STK3: variants seen among roughly 807,000 people sequenced by gnomAD.
STK3 encodes the protein serine/threonine kinase 3.
In STK3, 41 loss-of-function variants were observed where a neutral mutation model predicts 58.0. The ratio of observed to expected loss-of-function variants is 0.71; its 90% CI spans 0.55 to 0.92. STK3 has a LOEUF of 0.92. Among genes scored for constraint, STK3 ranks in the 40% least tolerant of loss-of-function variants. STK3 has a pLI of 0.00. For missense variants in STK3, 479 were observed against 602.7 expected, an observed-to-expected ratio of 0.79 and a Z score of 2.15; for synonymous variants, 170 against 191.0, an observed-to-expected ratio of 0.89 and a Z score of 0.91.
chr8:98,643,658 C>T (rs1261953795), intron 6 of STK3, among the ~76,000 whole-genome samples: 1 of 152,158 alleles, frequency 6.6e-6, no homozygotes, highest in African/African-American at 2.4e-5. Flanking sequence ...TTACTCAAGG[C>T]TATATATCCT....
At chr8:98,790,576 A>C (rs887098827) in intron 1 of STK3, among the ~76,000 whole-genome samples, 1 of 152,228 alleles carries the variant, frequency 6.6e-6, no homozygotes, top group African/African-American at 2.4e-5. Context: ...AATAGGAAAA[A>C]GCTGAAAGCA....
chr8:98,402,406 G>A (rs762292906), intron 3 of STK3, among the ~76,000 whole-genome samples: 1 of 152,234 alleles, frequency 6.6e-6, no homozygotes, highest in Non-Finnish European at 1.5e-5. Flanking sequence ...GAGTCCAAGG[G>A]ATCGGAGCTC....
chr8:98,443,432 A>G (rs1049775676), intron 1 of STK3, among the ~76,000 whole-genome samples: 16 of 152,156 alleles, frequency 1.1e-4, no homozygotes, highest in African/African-American at 3.9e-4. Flanking sequence ...TGTCTTCCCA[A>G]CCACCCTTCC....
At chr8:98,671,511 T>C (rs1822828343) in intron 6 of STK3, among the ~76,000 whole-genome samples, 1 of 152,194 alleles carries the variant, frequency 6.6e-6, no homozygotes, top group Non-Finnish European at 1.5e-5. Flanking sequence ...GCTTAAGAAC[T>C]CACTGACACA....
At chr8:98,622,133 A>C (rs1370166049) in intron 6 of STK3, among the ~76,000 whole-genome samples, 1 of 145,760 alleles carries the variant, frequency 6.9e-6, no homozygotes, top group Non-Finnish European at 1.5e-5. Flanking sequence ...AAATTAGCTG[A>C]GTGTGGTGGT....
intron 8 of STK3, among the ~76,000 whole-genome samples, chr8:98,560,267 ACTAT>A (rs748822705): frequency 2.5e-4 from 38 of 152,244 alleles, no homozygotes; most frequent in Non-Finnish European, 3.8e-4. Flanking sequence ...TTGGAAAGAA[ACTAT>A]CTATATTTGC....
intron 8 of STK3, among the ~76,000 whole-genome samples, chr8:98,567,502 T>C (rs1171842957): frequency 6.6e-6 from 1 of 152,170 alleles, no homozygotes; most frequent in East Asian, 1.9e-4. Flanking sequence ...CTGGACCATT[T>C]ACTTCTATTC....
intron 4 of STK3, among the ~76,000 whole-genome samples, chr8:98,729,186 C>T (rs1828000130): frequency 1.3e-5 from 2 of 152,204 alleles, no homozygotes; most frequent in Admixed American, 1.3e-4. Context: ...TCTAGGCTCA[C>T]TGCAACCTCT....
chr8:98,816,305 G>A (rs1314578256), intron 1 of STK3, among the ~76,000 whole-genome samples: 1 of 152,180 alleles, frequency 6.6e-6, no homozygotes, highest in Admixed American at 6.5e-5. Flanking sequence ...CTTGAGCCCA[G>A]GAGTTCAAGA....
chr8:98,465,268 C>G (rs918818067), intron 10 of STK3, among the ~76,000 whole-genome samples: 1 of 152,030 alleles, frequency 6.6e-6, no homozygotes, highest in African/African-American at 2.4e-5. Context: ...TTATGTAGGC[C>G]CTCAAAGGCA....
chr8:98,849,496 T>C (rs1023268584), intron 3 of STK3, among the ~76,000 whole-genome samples: 1 of 152,178 alleles, frequency 6.6e-6, no homozygotes, highest in Non-Finnish European at 1.5e-5. Context: ...TAGTTACCAA[T>C]ATTTATCTTA....
chr8:98,409,558 G>A (rs904093319), intron 3 of STK3, among the ~76,000 whole-genome samples: 1 of 152,224 alleles, frequency 6.6e-6, no homozygotes, highest in Non-Finnish European at 1.5e-5. Context: ...TGGGCTATCA[G>A]TTCAACCAAA....
At chr8:98,740,182 C>G (rs1829065791) in intron 4 of STK3, among the ~76,000 whole-genome samples, 1 of 152,096 alleles carries the variant, frequency 6.6e-6, no homozygotes, top group Admixed American at 6.5e-5. Flanking sequence ...AGGATATTAT[C>G]CAGGAGAACT....
At chr8:98,482,237 T>C (rs1261513029) in intron 10 of STK3, among the ~76,000 whole-genome samples, 1 of 152,224 alleles carries the variant, frequency 6.6e-6, no homozygotes, top group African/African-American at 2.4e-5. Context: ...TTTAAAAGCA[T>C]TATTTCTCCC....
chr8:98,888,475 G>A (rs1488279076), intron 1 of STK3, among the ~76,000 whole-genome samples: 1 of 152,162 alleles, frequency 6.6e-6, no homozygotes, highest in Non-Finnish European at 1.5e-5. Flanking sequence ...ATAGGGCCAA[G>A]GTTGGGCTGG....
chr8:98,596,595 A>G (rs1160413451), intron 6 of STK3, among the ~76,000 whole-genome samples: 3 of 152,192 alleles, frequency 2.0e-5, no homozygotes, highest in Non-Finnish European at 4.4e-5. Context: ...AATCCAGAAT[A>G]TTTAAGTAAA....
chr8:98,372,339 C>T (rs1236492125), intron 2 of STK3, among the ~76,000 whole-genome samples: 1 of 152,186 alleles, frequency 6.6e-6, no homozygotes, highest in South Asian at 2.1e-4. Context: ...TCAGGGCAGC[C>T]TCCAAGTTCC....
intron 1 of STK3, among the ~76,000 whole-genome samples, chr8:98,911,443 T>C (rs552915903): frequency 6.6e-6 from 1 of 152,272 alleles, no homozygotes; most frequent in African/African-American, 2.4e-5. Context: ...ACCCAGGCTA[T>C]AGTGCAGTGG....
intron 3 of STK3, among the ~76,000 whole-genome samples, chr8:98,393,296 G>A (rs758686126): frequency 6.6e-6 from 1 of 152,088 alleles, no homozygotes; most frequent in East Asian, 1.9e-4. Flanking sequence ...GTGACCCTGG[G>A]CCTGTCACTC....
Sources: gnomAD v4.1 joint callset for allele counts (sites outside exome capture counted in the v4.1 genomes callset) on GRCh38, gnomAD v4.1.1 for gene constraint, MANE v1.5 for transcripts, NCBI Gene and HGNC (gene_info 2026-07-23, HGNC 2026-07-21) for gene names.